The following CREB5 variants were observed in gnomAD, a reference collection of about 807,000 sequenced individuals.
CREB5 encodes cyclic AMP-responsive element-binding protein 5.
CREB5 carries 19 observed loss-of-function variants against 57.1 expected under a neutral mutation model. The observed-to-expected ratio is 0.33, with a 90% CI of 0.23 to 0.49. CREB5 has a LOEUF of 0.49. CREB5 is among the 20% of genes least tolerant of loss of function. The pLI, the probability that CREB5 is intolerant of heterozygous loss-of-function variation, is 0.99. For missense variants in CREB5, 579 were observed against 671.6 expected (o/e 0.86, Z 1.52); for synonymous variants, 238 against 238.3 (o/e 1.00, Z 0.01).
chr7:28,810,536 C>T lies in CREB5; in HGVS notation c.1254+1122C>T, dbSNP rs550198066. Among the ~76,000 whole-genome samples the T allele has an allele frequency of 8.6e-5, 13 of 151,982 alleles. No homozygotes were observed. In the East Asian group the frequency reaches 9.7e-4, roughly 11 times the overall value. On this transcript the variant is annotated intron_variant, in intron 9 of 10. Transcript: ENST00000357727. ...GCAGAAACCCCGTCTCTACTAAAAA[C>T]ACAAAAAAAAATTGCCAGGTGTGGT... is the stretch of plus-strand genomic sequence containing the variant.
chr7:28,341,750 C>T (rs992196704), intron 1 of CREB5, among the ~76,000 whole-genome samples: 9 of 152,196 alleles, frequency 5.9e-5, no homozygotes, highest in African/African-American at 1.4e-4. Flanking sequence ...GCCACACAGC[C>T]GCTTAACAAT....
At chr7:28,643,778 A>C (rs1390553563) in intron 5 of CREB5, among the ~76,000 whole-genome samples, 1 of 141,210 alleles carries the variant, frequency 7.1e-6, no homozygotes, top group Non-Finnish European at 1.6e-5. Flanking sequence ...AAAAAAAAAA[A>C]CACACAAACC....
intron 7 of CREB5, among the ~76,000 whole-genome samples, chr7:28,725,645 TAAAAAAA>T (rs1554291840): frequency 2.7e-5 from 3 of 112,374 alleles, no homozygotes; most frequent in Non-Finnish European, 4.1e-5. Flanking sequence ...TATCTTTTTT[TAAAAAAA>T]AAAAAAAAAA....
At chr7:28,496,268 G>A (rs910736716) in intron 3 of CREB5, among the ~76,000 whole-genome samples, 2 of 152,176 alleles carry the variant, frequency 1.3e-5, no homozygotes, top group African/African-American at 4.8e-5. Flanking sequence ...CTATGGATAT[G>A]TTTTAAATGT....
intron 1 of CREB5, among the ~76,000 whole-genome samples, chr7:28,370,883 T>C (rs182644614): frequency 6.9e-4 from 105 of 152,294 alleles, no homozygotes; most frequent in Non-Finnish European, 1.3e-3. Context: ...ACATTTCTGG[T>C]GGCAAGGAGA....
chr7:28,355,569 G>A (rs1003678551), intron 1 of CREB5, among the ~76,000 whole-genome samples: 1 of 152,060 alleles, frequency 6.6e-6, no homozygotes, highest in Non-Finnish European at 1.5e-5. Context: ...ATTTTTCTCA[G>A]ACAGACACAG....
chr7:28,551,608 T>C (rs1266327526), intron 4 of CREB5, among the ~76,000 whole-genome samples: 1 of 152,234 alleles, frequency 6.6e-6, no homozygotes, highest in East Asian at 1.9e-4. Context: ...GCCATCAGCC[T>C]GACAGTGTTT....
rs34917973 is a variant in CREB5, at chr7:28,816,055, GCA to G, written c.1255-1987_1255-1986del. 9.4e-3 allele frequency among the ~76,000 whole-genome samples: 1,363 copies of G among 145,132 alleles called. 18 individuals are homozygous for G. Among genetic ancestry groups the G allele is most frequent in the Middle Eastern group, 0.031 (9 of 286 alleles). ...ATTTCCTTCTGAAGCAAATATATAC[GCA>G]CACACACACACACACACACACACAC... On this transcript the variant is annotated intron_variant, in intron 9 of 10. Transcript: ENST00000357727.
In CREB5 at chr7:28,554,164, C is replaced by CA. The variant is rs1228943147; in HGVS notation, c.292-16194dup. On this transcript the variant is annotated intron_variant, in intron 4 of 10. Transcript: ENST00000357727. ...CACTCTCTAAAATCACCCATCGTCACAAAAAAATCACTGAATTAGTAGTCA... is the reference window on the plus strand; with the variant it reads ...CACTCTCTAAAATCACCCATCGTCACAAAAAAAATCACTGAATTAGTAGTCA... Among the ~76,000 whole-genome samples, 6 of 152,286 alleles carry CA rather than the reference C, an allele frequency of 3.9e-5. No homozygotes were observed. The South Asian group carries it at 8.3e-4, about 21-fold the overall frequency.
chr7:28,546,225 A>G (rs1794418454), intron 4 of CREB5, among the ~76,000 whole-genome samples: 1 of 152,198 alleles, frequency 6.6e-6, no homozygotes, highest in South Asian at 2.1e-4. Context: ...TCAGAATTTC[A>G]TTCTCTTTAA....
intron 1 of CREB5, among the ~76,000 whole-genome samples, chr7:28,306,813 G>A (rs1785201011): frequency 1.3e-5 from 2 of 152,034 alleles, no homozygotes; most frequent in African/African-American, 2.4e-5. Context: ...CGCCCGCCTC[G>A]GCCTCCCAAA....
chr7:28,612,687 G>A (rs566915158), intron 5 of CREB5, among the ~76,000 whole-genome samples: 51 of 151,874 alleles, frequency 3.4e-4, no homozygotes, highest in African/African-American at 1.2e-3. Context: ...AGAATCTAAT[G>A]TATGCTATAG....
At position 28,325,819 on chromosome 7, in the gene CREB5, G is replaced by T. The variant is rs531420842; in HGVS notation, c.-25+26378G>T. The stretch of plus-strand genomic sequence containing the variant: ...TGTCATTATGTAGCAATGAATTCCT[G>T]TTGTATTCAATGGGTTATAATCAAT... On this transcript the variant is annotated intron_variant, in intron 1 of 9. Coordinates refer to the CREB5 transcript ENST00000396299. Among the ~76,000 whole-genome samples the T allele has an allele frequency of 2.0e-5, 3 of 152,264 alleles. No homozygotes were observed. The South Asian group carries it at 6.2e-4, about 32-fold the overall frequency.
chr7:28,706,336 A>G (rs1802104536), intron 5 of CREB5, among the ~76,000 whole-genome samples: 1 of 152,150 alleles, frequency 6.6e-6, no homozygotes, highest in Non-Finnish European at 1.5e-5. Context: ...AGCCTGGGCA[A>G]CAAGAGTAAA....
chr7:28,552,384 CT>C (rs1794709474), intron 4 of CREB5, among the ~76,000 whole-genome samples: 1 of 152,174 alleles, frequency 6.6e-6, no homozygotes, highest in South Asian at 2.1e-4. Flanking sequence ...GATTTATCTC[CT>C]TTTGTTATTA....
At chr7:28,620,757 C>T (rs1050931527) in intron 5 of CREB5, among the ~76,000 whole-genome samples, 2 of 152,146 alleles carry the variant, frequency 1.3e-5, no homozygotes, top group Admixed American at 1.3e-4. Flanking sequence ...CCTATCTAGT[C>T]AACCACTTCA....
intron 5 of CREB5, among the ~76,000 whole-genome samples, chr7:28,649,089 T>C (rs913702516): frequency 2.2e-4 from 33 of 152,140 alleles, no homozygotes; most frequent in African/African-American, 8.0e-4. Flanking sequence ...CATAAATAAA[T>C]TATAAAGGTA....
chr7:28,394,107 G>C (rs757721240), intron 1 of CREB5, among the ~76,000 whole-genome samples: 23 of 80,508 alleles, frequency 2.9e-4, no homozygotes, highest in Admixed American at 1.2e-3. Context: ...AAAAAAAAAA[G>C]TGGACTTGGA....
At chr7:28,665,662 A>T (rs1216562012) in intron 5 of CREB5, among the ~76,000 whole-genome samples, 1 of 152,194 alleles carries the variant, frequency 6.6e-6, no homozygotes, top group African/African-American at 2.4e-5. Context: ...TATAGGGGGA[A>T]CATGGCTTGA....
Sources: allele counts gnomAD v4.1 joint callset (sites outside exome capture counted in the v4.1 genomes callset), GRCh38; gene constraint gnomAD v4.1.1; transcripts MANE v1.5; gene names NCBI Gene and HGNC (gene_info 2026-07-23, HGNC 2026-07-21).